The following KPNA7 variants were observed in gnomAD, a reference collection of about 807,000 sequenced individuals.
KPNA7 encodes karyopherin subunit alpha 7, also known as importin subunit alpha-8.
In KPNA7, 54 loss-of-function variants were observed where a neutral mutation model predicts 53.7. The observed-to-expected ratio is 1.01, with a 90% CI of 0.81 to 1.26. The LOEUF is 1.26. KPNA7 is among the 50% of genes most tolerant of loss of function. The probability of loss-of-function intolerance (pLI) is 0.00; values close to 1 mark genes in which losing one functional copy is unlikely to be tolerated. For missense variants in KPNA7, 640 were observed against 644.5 expected (o/e 0.99, Z 0.07); for synonymous variants, 276 against 259.3 (o/e 1.06, Z -0.62).
chr7:99,208,219 G>A (rs1387325046), upstream of KPNA7, among the ~76,000 whole-genome samples: 1 of 152,058 alleles, frequency 6.6e-6, no homozygotes, highest in Admixed American at 6.6e-5. Flanking sequence ...TGGGACTACA[G>A]GCATGAGCCA....
At chr7:99,206,772 G>A (rs1489850630) in intron 2 of KPNA7, among the ~76,000 whole-genome samples, 2 of 152,084 alleles carry the variant, frequency 1.3e-5, no homozygotes, top group Non-Finnish European at 2.9e-5. Context: ...GCCCAGCTAA[G>A]CAGCCCTGTT....
chr7:99,172,884 G>A (rs1409405022), downstream of KPNA7, among the ~76,000 whole-genome samples: 1 of 151,874 alleles, frequency 6.6e-6, no homozygotes, highest in African/African-American at 2.4e-5. Context: ...TCAACATGGT[G>A]AAACCCTGTC....
intron 6 of KPNA7, among the ~76,000 whole-genome samples, chr7:99,190,668 T>TG (rs71108427): frequency 3.3e-5 from 5 of 150,156 alleles, no homozygotes; most frequent in Admixed American, 6.6e-5. Flanking sequence ...TTTTTTTTTT[T>TG]GGGGGGAGAC....
chr7:99,201,229 G>C (rs1403336174), intron 3 of KPNA7, among the ~76,000 whole-genome samples: 1 of 152,142 alleles, frequency 6.6e-6, no homozygotes, highest in Non-Finnish European at 1.5e-5. Flanking sequence ...TGAATGACTG[G>C]AGTTTCTATT....
At chr7:99,204,863 A>G (rs566836448) in intron 2 of KPNA7, among the ~76,000 whole-genome samples, 2 of 152,220 alleles carry the variant, frequency 1.3e-5, no homozygotes, top group South Asian at 4.1e-4. Flanking sequence ...ATCAAATAAT[A>G]ATAAAAGGAA....
chr7:99,156,325 C>T, the KPNA7 span, among the ~76,000 whole-genome samples: 4 of 151,980 alleles, frequency 2.6e-5, no homozygotes, highest in Non-Finnish European at 1.5e-5. Context: ...ATTCAGAGTC[C>T]ACAAAGAGAA....
At chr7:99,158,678 AT>A in the KPNA7 span, among the ~76,000 whole-genome samples, 16 of 151,490 alleles carry the variant, frequency 1.1e-4, no homozygotes, top group Non-Finnish European at 2.2e-4. Context: ...TAATTTTTGT[AT>A]TTTTAGTAAA....
chr7:99,203,167 C>T lies in KPNA7; in HGVS notation c.140G>A (p.Arg47Lys). 1.3e-6 allele frequency: 2 copies of T among 1,551,642 alleles called. No individual in the cohort carries two copies. The highest frequency in any genetic ancestry group is 1.7e-6 in the Non-Finnish European group (2 of 1,146,940). The change falls in exon 3 of 11, where the codon AGA (arginine) becomes AAA (lysine). Residue 47 changes from arginine (R) to lysine (K), a missense_variant. Arg to Lys is a conservative substitution (Grantham distance 26). Transcript: ENST00000327442. ...AGGGCAGAAGCTCGTGATATTCCTT[C>T]TCTTTAAGGTCTGTTCATCTTTCTT... ...KAKKDEQTLK[R>K]RNITSFCPDT...
At chr7:99,196,488 T>G (rs1880785) in intron 3 of KPNA7, among the ~76,000 whole-genome samples, 47,286 of 152,054 alleles carry the variant, frequency 0.31, 8,869 homozygotes, top group African/African-American at 0.53. Flanking sequence ...CTCCTCCACA[T>G]AGGCAAAGAG....
intron 2 of KPNA7, 74 bp from the exon 3 acceptor site, chr7:99,203,314 C>G (rs1563087274): frequency 6.9e-7 from 1 of 1,445,814 alleles, no homozygotes; most frequent in Non-Finnish European, 9.4e-7. Flanking sequence ...AAACATGTTT[C>G]AAAGCATCCA....
chr7:99,185,234 C>T (rs1584276234), intron 7 of KPNA7, 72 bp from the exon 8 acceptor site: 1 of 1,038,238 alleles, frequency 9.6e-7, no homozygotes, highest in East Asian at 2.6e-5. Context: ...ACACCAAGTT[C>T]TGTTCTCTCC....
intron 8 of KPNA7, among the ~76,000 whole-genome samples, chr7:99,183,922 T>C (rs1368865616): frequency 2.6e-5 from 4 of 152,122 alleles, no homozygotes; most frequent in Admixed American, 2.6e-4. Context: ...CGTGGCTCAC[T>C]GCAACCTCCA....
In KPNA7 at chr7:99,173,685, G is replaced by A; in HGVS notation, c.*23C>T. On this transcript the variant is annotated 3_prime_UTR_variant, in exon 11 of 11. Transcript: ENST00000327442. Reference sequence around the variant, plus strand: ...AGTTATCCTTTAGCACTGGGTTGTTGGTTTAGGAGGTAGGGAGCTTGGCTA... The same window carrying A: ...AGTTATCCTTTAGCACTGGGTTGTTAGTTTAGGAGGTAGGGAGCTTGGCTA... 6.8e-7 allele frequency: 1 copy of A among 1,469,570 alleles called. No homozygotes were observed. The highest frequency in any genetic ancestry group is 2.5e-5 in the East Asian group (1 of 40,512). The allele number at this position is 1,469,570 out of a possible 1,614,324, so 91.0% of individuals were successfully genotyped here.
At chr7:99,164,389 C>CAA in the KPNA7 span, among the ~76,000 whole-genome samples, 1 of 151,292 alleles carries the variant, frequency 6.6e-6, no homozygotes. Context: ...ATGGCAAGGA[C>CAA]AAAAAACCAA....
At chr7:99,146,378 A>G in the KPNA7 span, among the ~76,000 whole-genome samples, 1 of 152,192 alleles carries the variant, frequency 6.6e-6, no homozygotes, top group African/African-American at 2.4e-5. Flanking sequence ...CAATGGGGTT[A>G]CATTCTGATA....
downstream of KPNA7, among the ~76,000 whole-genome samples, chr7:99,173,182 GTTCT>G (rs993839645): frequency 2.0e-5 from 3 of 151,106 alleles, no homozygotes; most frequent in African/African-American, 4.9e-5. Context: ...CTAAACAAAT[GTTCT>G]TTATTTTTTA....
intron 1 of KPNA7, among the ~76,000 whole-genome samples, chr7:99,218,732 G>A (rs1003706631): frequency 6.6e-6 from 1 of 152,230 alleles, no homozygotes; most frequent in African/African-American, 2.4e-5. Context: ...CCCATGGGCA[G>A]GCAGATCTGC....
downstream of KPNA7, among the ~76,000 whole-genome samples, chr7:99,170,054 A>G (rs1268056184): frequency 6.6e-6 from 1 of 152,156 alleles, no homozygotes; most frequent in Non-Finnish European, 1.5e-5. Context: ...AAAAATCTGC[A>G]GCTCTGATCG....
upstream of KPNA7, among the ~76,000 whole-genome samples, chr7:99,209,863 C>G (rs1179039884): frequency 6.6e-6 from 1 of 151,754 alleles, no homozygotes; most frequent in Non-Finnish European, 1.5e-5. Context: ...TAAAAATAAG[C>G]TGGGCATGGT....
Sources: gnomAD v4.1 joint callset for allele counts (sites outside exome capture counted in the v4.1 genomes callset) on GRCh38, gnomAD v4.1.1 for gene constraint, MANE v1.5 for transcripts, NCBI Gene and HGNC (gene_info 2026-07-23, HGNC 2026-07-21) for gene names.